Variants in SLC13A3 observed in about 807,000 individuals in gnomAD.
SLC13A3 encodes the protein solute carrier family 13 member 3.
SLC13A3 carries 40 observed loss-of-function variants against 59.0 expected under a neutral mutation model. That is an observed-to-expected ratio of 0.68 (90% CI 0.53 to 0.88). SLC13A3 has a LOEUF of 0.88. SLC13A3 is among the 40% of genes least tolerant of loss of function. The pLI is 0.00. For synonymous variants in SLC13A3, 317 were observed against 330.3 expected (o/e 0.96, Z 0.44); for missense variants, 699 against 783.2 (o/e 0.89, Z 1.28).
chr20:46,590,327 T>A (rs1186635464), intron 6 of SLC13A3, among the ~76,000 whole-genome samples: 1 of 151,458 alleles, frequency 6.6e-6, no homozygotes, highest in Non-Finnish European at 1.5e-5. Context: ...TGAGAAAAGA[T>A]TGAAAAAAAA....
At chr20:46,660,299 GT>G (rs2063021681) in intron 1 of SLC13A3, among the ~76,000 whole-genome samples, 1 of 152,060 alleles carries the variant, frequency 6.6e-6, no homozygotes, top group Non-Finnish European at 1.5e-5. Flanking sequence ...CTCAGCTTCT[GT>G]TTATCTGAAA....
intron 1 of SLC13A3, among the ~76,000 whole-genome samples, chr20:46,642,607 G>T (rs1160472048): frequency 6.6e-6 from 1 of 152,080 alleles, no homozygotes; most frequent in African/African-American, 2.4e-5. Flanking sequence ...GGCCTCTTGC[G>T]CTTCCCATTC....
intron 1 of SLC13A3, among the ~76,000 whole-genome samples, chr20:46,637,089 G>A (rs1201989709): frequency 6.6e-6 from 1 of 152,058 alleles, no homozygotes; most frequent in Non-Finnish European, 1.5e-5. Context: ...GTGAGCCACC[G>A]CGCCCGGCCT....
chr20:46,652,550 T>A (rs1268732852), upstream of SLC13A3, among the ~76,000 whole-genome samples: 2 of 116,926 alleles, frequency 1.7e-5, no homozygotes, highest in Admixed American at 2.0e-4. Context: ...CTGGCTAATT[T>A]TTTTTTTTTT....
At chr20:46,608,929 C>A in intron 3 of SLC13A3, 1 of 1,550,964 alleles carries the variant, frequency 6.4e-7, no homozygotes, top group African/African-American at 1.4e-5. Flanking sequence ...AAGGACAGAA[C>A]CCGGAAGTTG....
At chr20:46,668,677 T>C (rs1029933662) in intron 1 of SLC13A3, among the ~76,000 whole-genome samples, 9 of 152,246 alleles carry the variant, frequency 5.9e-5, no homozygotes, top group Admixed American at 2.0e-4. Context: ...ATTTTCAACA[T>C]AGATGAAATA....
intron 2 of SLC13A3, among the ~76,000 whole-genome samples, chr20:46,612,124 CTTTTTTT>C (rs57019153): frequency 1.5e-5 from 1 of 68,934 alleles, no homozygotes; most frequent in Non-Finnish European, 2.5e-5. Flanking sequence ...TCTCTCTTTG[CTTTTTTT>C]TTTTTTTTTT....
chr20:46,610,953 C>G (rs1223787593), intron 2 of SLC13A3, among the ~76,000 whole-genome samples: 1 of 151,932 alleles, frequency 6.6e-6, no homozygotes, highest in African/African-American at 2.4e-5. Flanking sequence ...TTCTCAGCTT[C>G]CTCCCTCTTT....
At position 46,574,839 on chromosome 20, in the gene SLC13A3, C is replaced by CTT. The variant is rs61006260; in HGVS notation, c.1332+732_1332+733dup. ...GTGTAAAGCATGTTTTTTTCTTTTTCTTTTTTTTTTTTCTTAGAGATGAGG... is the reference window on the plus strand; with the variant it reads ...GTGTAAAGCATGTTTTTTTCTTTTTCTTTTTTTTTTTTTTCTTAGAGATGAGG... On this transcript the variant is annotated intron_variant, in intron 10 of 12. Coordinates refer to ENST00000279027, the MANE Select transcript of SLC13A3 (RefSeq NM_022829.6). Among the ~76,000 whole-genome samples the CTT allele has an allele frequency of 8.5e-3, 1,208 of 141,410 alleles. 17 individuals carry two copies. The highest frequency in any genetic ancestry group is 0.021 in the African/African-American group (816 of 38,370). The allele number at this position is 141,410 out of a possible 152,430, so 92.8% of individuals were successfully genotyped here. A position where few individuals can be genotyped will look rare whatever the true frequency, so the allele number is the denominator to read the frequency against.
chr20:46,560,163 G>T lies in SLC13A3; in HGVS notation c.1668C>A (p.Val556=). ...RTGLLMNLMG[V]LLLSLAMNTW... is the part of the protein sequence containing the mutation. ...TATTCATAGCCAAACTGAGCAGCAG[G>T]ACACCCATCAGGTTCATCAGGAGGC... Residue 556 remains valine, a synonymous_variant, in exon 13 of 13, where the codon GTC becomes GTA. Transcript: ENST00000279027. The T allele has an allele frequency of 6.2e-7, 1 of 1,614,156 alleles. No individual in the cohort carries two copies. The highest frequency in any genetic ancestry group is 8.5e-7 in the Non-Finnish European group (1 of 1,180,026).
chr20:46,627,078 A>C (rs544785194), intron 1 of SLC13A3, among the ~76,000 whole-genome samples: 2 of 152,206 alleles, frequency 1.3e-5, no homozygotes, highest in South Asian at 2.1e-4. Flanking sequence ...TTCACTTATT[A>C]TCTCTCTCTC....
intron 3 of SLC13A3, chr20:46,608,895 C>T: frequency 1.9e-6 from 3 of 1,550,516 alleles, no homozygotes; most frequent in Non-Finnish European, 2.6e-6. Flanking sequence ...CAGGTGCCAT[C>T]ATATTCACAT....
At chr20:46,612,051 C>T in intron 2 of SLC13A3, among the ~76,000 whole-genome samples, 1 of 142,014 alleles carries the variant, frequency 7.0e-6, no homozygotes, top group East Asian at 2.1e-4. Context: ...AAAAAAAATC[C>T]CTGACATTTT....
At chr20:46,669,721 C>A (rs1023643948) in intron 1 of SLC13A3, among the ~76,000 whole-genome samples, 1 of 152,146 alleles carries the variant, frequency 6.6e-6, no homozygotes, top group Middle Eastern at 3.4e-3. Flanking sequence ...ATAATAAATA[C>A]CATTTTTGAG....
At chr20:46,573,876 A>G (rs1427836137) in intron 10 of SLC13A3, among the ~76,000 whole-genome samples, 1 of 152,228 alleles carries the variant, frequency 6.6e-6, no homozygotes, top group Non-Finnish European at 1.5e-5. Flanking sequence ...CTGAAAATTA[A>G]AATTGAATTA....
intron 9 of SLC13A3, chr20:46,582,515 T>G: frequency 2.3e-6 from 1 of 440,218 alleles, no homozygotes; most frequent in Non-Finnish European, 3.0e-6. Flanking sequence ...AGGTGGGAGG[T>G]TCACTGGAGC....
chr20:46,617,588 T>TTG (rs555026536), intron 1 of SLC13A3, among the ~76,000 whole-genome samples: 4,307 of 106,240 alleles, frequency 0.041, 137 homozygotes, highest in African/African-American at 0.12. Context: ...TCTGAAAAAC[T>TTG]TGTGTGTGTG....
chr20:46,608,527 C>A (rs1324785051), intron 3 of SLC13A3, among the ~76,000 whole-genome samples: 1 of 152,166 alleles, frequency 6.6e-6, no homozygotes, highest in Non-Finnish European at 1.5e-5. Context: ...TGCCACTTTG[C>A]CAATGCTATG....
At chr20:46,655,899 T>C (rs1448555872), upstream of SLC13A3, among the ~76,000 whole-genome samples, 1 of 143,326 alleles carries the variant, frequency 7.0e-6, no homozygotes, top group East Asian at 2.0e-4. Flanking sequence ...ATAATATATA[T>C]ACTGTACAGT....
Sources: allele counts gnomAD v4.1 joint callset (sites outside exome capture counted in the v4.1 genomes callset), GRCh38; gene constraint gnomAD v4.1.1; transcripts MANE v1.5; gene names NCBI Gene and HGNC (gene_info 2026-07-23, HGNC 2026-07-21).